RYR3: variants seen among roughly 807,000 people sequenced by gnomAD.
RYR3 encodes brain ryanodine receptor-calcium release channel.
Under a neutral mutation model 584.3 loss-of-function variants are expected in RYR3, and 207 were observed. The observed-to-expected ratio is 0.35, with a 90% confidence interval of 0.32 to 0.40. RYR3 has a LOEUF of 0.40. RYR3 is among the 10% of genes least tolerant of loss of function. RYR3 has a pLI of 1.00. For missense variants in RYR3, 5,616 were observed against 6,089.2 expected (o/e 0.92, Z 2.59); for synonymous variants, 2,416 against 2,248.5 (o/e 1.07, Z -2.11).
intron 62 of RYR3, among the ~76,000 whole-genome samples, chr15:33,771,309 G>T (rs1038182617): frequency 6.6e-6 from 1 of 152,240 alleles, no homozygotes; most frequent in Middle Eastern, 3.2e-3. Context: ...GCCAAGGCGG[G>T]CGGATCACCA....
rs115338509 is a variant in RYR3, at chr15:33,838,109, T to C, written c.12129T>C (p.Arg4043=). ...EIMGGAKKIE[R]VYFEISESSR... is the part of the protein sequence containing the mutation. ...TGGGTGGGGCCAAGAAGATTGAGCG[T>C]GTTTATTTTGAGATCAGTGAATCCA... The change falls in exon 89 of 104, where the codon CGT becomes CGC. Residue 4043 remains arginine (R), a synonymous_variant. Transcript: ENST00000634891. 1,930 of 1,613,476 alleles carry C rather than the reference T, an allele frequency of 1.2e-3. 16 individuals are homozygous for C. The African/African-American group carries it at 0.023, about 19-fold the overall frequency.
intron 5 of RYR3, among the ~76,000 whole-genome samples, chr15:33,534,743 C>T (rs1327427478): frequency 2.0e-5 from 3 of 152,190 alleles, no homozygotes; most frequent in African/African-American, 7.2e-5. Flanking sequence ...AGGCACATTT[C>T]ACATCAATTT....
At chr15:33,584,163 A>G (rs916561279) in intron 14 of RYR3, among the ~76,000 whole-genome samples, 1 of 152,108 alleles carries the variant, frequency 6.6e-6, no homozygotes, top group African/African-American at 2.4e-5. Flanking sequence ...ACTTAAGCCC[A>G]GGAGTTTGAG....
intron 88 of RYR3, 72 bp downstream of exon 88, chr15:33,837,059 C>A: frequency 1.7e-6 from 2 of 1,211,060 alleles, no homozygotes; most frequent in Non-Finnish European, 2.4e-6. Context: ...ACTGATCATG[C>A]AGATTATCCT....
In RYR3 at chr15:33,412,261, T is replaced by C. The variant is rs1018362607; in HGVS notation, c.52-61158T>C. Among the ~76,000 whole-genome samples, 2 of 152,178 alleles carry C rather than the reference T, an allele frequency of 1.3e-5. No individual in the cohort carries two copies. Among genetic ancestry groups the C allele is most frequent in the African/African-American group, 2.4e-5 (1 of 41,452 alleles). On this transcript the variant is annotated intron_variant, in intron 1 of 103. Transcript: ENST00000634891. This position sits in a 1 kb window ranked among gnomAD's most constrained non-coding sequence, Gnocchi z 4.3. ...TTTTCAATTTAGTAACCCCTTTGGC[T>C]TGAGGCTGGGAAGGCCATGGGTTGT...
chr15:33,509,506 A>G (rs1336596226), intron 3 of RYR3, among the ~76,000 whole-genome samples: 1 of 152,252 alleles, frequency 6.6e-6, no homozygotes, highest in Non-Finnish European at 1.5e-5. Flanking sequence ...AACTGCGTCC[A>G]TAATTCTAAA....
At chr15:33,368,619 A>G (rs1460261512) in intron 1 of RYR3, among the ~76,000 whole-genome samples, 1 of 151,984 alleles carries the variant, frequency 6.6e-6, no homozygotes, top group East Asian at 1.9e-4. Flanking sequence ...GATAATGTTC[A>G]ATATAAAATG....
At chr15:33,376,594 GAA>G (rs898911511) in intron 1 of RYR3, among the ~76,000 whole-genome samples, 8 of 152,222 alleles carry the variant, frequency 5.3e-5, no homozygotes, top group Non-Finnish European at 1.5e-5. Flanking sequence ...GGAAATGTAT[GAA>G]GAGACACAGT....
Position 33,363,488 on chromosome 15 carries a change from G to A in RYR3, c.51+52392G>A, listed in dbSNP as rs141161193. On this transcript the variant is annotated intron_variant, in intron 1 of 103. Transcript: ENST00000634891. ...CTAACTAGTGGCATGGAAGCTCCTA[G>A]GATATGGCAGATGTTAATACAGTGG... 2.6e-5 allele frequency among the ~76,000 whole-genome samples: 4 copies of A among 152,256 alleles called. No individual in the cohort carries two copies. The East Asian group carries it at 7.7e-4, about 29-fold the overall frequency.
intron 94 of RYR3, chr15:33,850,640 TC>T (rs1216333005): frequency 6.6e-6 from 1 of 152,220 alleles, no homozygotes; most frequent in Non-Finnish European, 1.5e-5. Context: ...TAACTGTATG[TC>T]ATGGGAGCTT....
rs1308527399 is a variant in RYR3, at chr15:33,552,104, G to C, written c.972+1788G>C. Among the ~76,000 whole-genome samples the C allele has an allele frequency of 2.6e-5, 4 of 152,144 alleles. No homozygotes were observed. The East Asian group carries it at 5.8e-4, about 22-fold the overall frequency. ...GCCAGGGTTAGAGCAATGACCTCGAGGTCTTTACCATTTCAAAAAGGGGCT... is the reference window on the plus strand; with the variant it reads ...GCCAGGGTTAGAGCAATGACCTCGACGTCTTTACCATTTCAAAAAGGGGCT... On this transcript the variant is annotated intron_variant, in intron 10 of 103. Coordinates refer to ENST00000634891, the MANE Select transcript of RYR3 (RefSeq NM_001036.6).
At chr15:33,600,229 A>G (rs2059590866) in intron 16 of RYR3, among the ~76,000 whole-genome samples, 2 of 152,110 alleles carry the variant, frequency 1.3e-5, no homozygotes, top group African/African-American at 2.4e-5. Flanking sequence ...CAAGTAGAAA[A>G]TTGGTTTGTG....
At chr15:33,693,304 CCA>C (rs1249677217) in intron 38 of RYR3, among the ~76,000 whole-genome samples, 2 of 152,242 alleles carry the variant, frequency 1.3e-5, no homozygotes, top group African/African-American at 4.8e-5. Context: ...CATGCCTGCG[CCA>C]CCACTCCAGC....
At chr15:33,859,277 C>T (rs1245460547) in intron 99 of RYR3, among the ~76,000 whole-genome samples, 1 of 152,230 alleles carries the variant, frequency 6.6e-6, no homozygotes, top group African/African-American at 2.4e-5. Context: ...TATTATATGG[C>T]ATAGGCCATA....
Position 33,613,274 on chromosome 15 carries a change from C to T in RYR3, c.2256C>T (p.Ser752=). 6.2e-7 allele frequency: 1 copy of T among 1,613,952 alleles called. No homozygotes were observed. Among genetic ancestry groups the T allele is most frequent in the Non-Finnish European group, 8.5e-7 (1 of 1,179,834 alleles). ...VSCCLDLGVP[S]ISFRINGQPV... ...GCTGCCTGGACCTCGGGGTGCCCAGCATCTCATTCCGCATCAATGGGCAGC... is the reference window on the plus strand; with the variant it reads ...GCTGCCTGGACCTCGGGGTGCCCAGTATCTCATTCCGCATCAATGGGCAGC... Residue 752 remains serine (S), a synonymous_variant, in exon 19 of 104, where the codon AGC becomes AGT. Transcript: ENST00000634891.
intron 36 of RYR3, among the ~76,000 whole-genome samples, chr15:33,668,749 A>C (rs2063638747): frequency 6.6e-6 from 1 of 152,210 alleles, no homozygotes; most frequent in African/African-American, 2.4e-5. Flanking sequence ...CATATAAAAA[A>C]ACATTAAAAT....
intron 38 of RYR3, among the ~76,000 whole-genome samples, chr15:33,684,558 G>A (rs1404417865): frequency 6.6e-6 from 1 of 152,104 alleles, no homozygotes. Flanking sequence ...CTTCCCCAAT[G>A]TAGCAAGGCA....
chr15:33,369,535 G>GT (rs1368876075), intron 1 of RYR3, among the ~76,000 whole-genome samples: 1 of 152,100 alleles, frequency 6.6e-6, no homozygotes, highest in Non-Finnish European at 1.5e-5. Context: ...GATTCTCTCT[G>GT]TTACCTTCAT....
In RYR3 at chr15:33,800,853, C is replaced by A; in HGVS notation, c.9914C>A (p.Ser3305Tyr). 6.2e-7 allele frequency: 1 copy of A among 1,609,040 alleles called. No individual in the cohort carries two copies. The highest frequency in any genetic ancestry group is 8.5e-7 in the Non-Finnish European group (1 of 1,175,332). The change falls in exon 68 of 104, where the codon TCT (serine) becomes TAT (tyrosine). Residue 3305 changes from serine (S) to tyrosine (Y), a missense_variant. By Grantham distance (144) the Ser-to-Tyr change is moderately radical. Coordinates refer to ENST00000634891, the MANE Select transcript of RYR3 (RefSeq NM_001036.6). ...GAAGTCTTCATTCTGTGGTGTAAAT[C>A]TCATGTAAGAACACATTTGGGCCCT... ...VAEVFILWCK[S>Y]HNFKREEQNF...
Sources: gnomAD v4.1 joint callset for allele counts (sites outside exome capture counted in the v4.1 genomes callset) on GRCh38, gnomAD v4.1.1 for gene constraint, Gnocchi (gnomAD v3.1) non-coding constraint, MANE v1.5 for transcripts, NCBI Gene and HGNC (gene_info 2026-07-23, HGNC 2026-07-21) for gene names.